Variants in CDH12 observed in about 807,000 individuals in gnomAD.
CDH12 encodes the protein cadherin 12, also known as cadherin-12.
Under a neutral mutation model 74.1 loss-of-function variants are expected in CDH12, and 41 were observed. That is an observed-to-expected ratio of 0.55 (90% CI 0.43 to 0.72). The LOEUF (loss-of-function observed/expected upper bound fraction) is 0.72, where lower values mean the gene tolerates loss of function less well. Among genes scored for constraint, CDH12 ranks in the 30% least tolerant of loss-of-function variants. The probability of loss-of-function intolerance (pLI) is 0.00; values close to 1 mark genes in which losing one functional copy is unlikely to be tolerated. For synonymous variants in CDH12, 399 were observed against 355.0 expected (o/e 1.12, Z -1.39); for missense variants, 945 against 977.2 (o/e 0.97, Z 0.44).
At chr5:22,451,273 T>C (rs953779732) in intron 2 of CDH12, among the ~76,000 whole-genome samples, 1 of 151,942 alleles carries the variant, frequency 6.6e-6, no homozygotes, top group African/African-American at 2.4e-5. Flanking sequence ...TTTAATAAAA[T>C]TTAAATTTTA....
chr5:22,413,393 G>C (rs116190516), intron 2 of CDH12, among the ~76,000 whole-genome samples: 1 of 152,016 alleles, frequency 6.6e-6, no homozygotes, highest in African/African-American at 2.4e-5. Context: ...AATAGTGAGA[G>C]ATCAGAATAA....
chr5:21,802,133 T>A, intron 10 of CDH12, 34 bp downstream of exon 10: 1 of 1,584,488 alleles, frequency 6.3e-7, no homozygotes, highest in East Asian at 2.3e-5. Flanking sequence ...TTTGTTTTCC[T>A]GAAACATAGA....
intron 4 of CDH12, among the ~76,000 whole-genome samples, chr5:22,098,963 G>C (rs1743971234): frequency 6.6e-6 from 1 of 152,048 alleles, no homozygotes; most frequent in African/African-American, 2.4e-5. Context: ...TAACTTCTCA[G>C]TGTTCCATCT....
intron 1 of CDH12, among the ~76,000 whole-genome samples, chr5:22,653,043 C>T (rs1175213547): frequency 6.6e-6 from 1 of 152,094 alleles, no homozygotes; most frequent in Non-Finnish European, 1.5e-5. Context: ...AAACATCCAC[C>T]AAATGGGACT....
At chr5:22,809,546 A>G (rs1749023315) in intron 1 of CDH12, among the ~76,000 whole-genome samples, 1 of 151,904 alleles carries the variant, frequency 6.6e-6, no homozygotes, top group Non-Finnish European at 1.5e-5. Context: ...AATATTAAAT[A>G]AAGTCAAATA....
intron 3 of CDH12, among the ~76,000 whole-genome samples, chr5:22,256,747 G>T (rs1753332278): frequency 6.6e-6 from 1 of 152,090 alleles, no homozygotes. Context: ...GCTAATGTGT[G>T]TGTTTGTGCC....
chr5:22,580,152 A>T (rs1171531580), intron 1 of CDH12: 2 of 274,358 alleles, frequency 7.3e-6, no homozygotes, highest in East Asian at 9.6e-5. Flanking sequence ...ATGCTTACTG[A>T]CAAGGAAGAG....
intron 3 of CDH12, among the ~76,000 whole-genome samples, chr5:22,300,601 C>T (rs923653240): frequency 2.6e-5 from 4 of 152,170 alleles, no homozygotes; most frequent in South Asian, 2.1e-4. Context: ...ACATTTTTAA[C>T]GTTTTGCACC....
chr5:22,037,167 C>A (rs1358194760), intron 5 of CDH12, among the ~76,000 whole-genome samples: 1 of 152,164 alleles, frequency 6.6e-6, no homozygotes, highest in African/African-American at 2.4e-5. Context: ...AATGCCTGCT[C>A]CACCTCACAC....
chr5:22,129,710 T>C (rs1746080464), intron 4 of CDH12, among the ~76,000 whole-genome samples: 1 of 152,108 alleles, frequency 6.6e-6, no homozygotes, highest in African/African-American at 2.4e-5. Flanking sequence ...TCGAAATAAA[T>C]TTTCTCATAG....
chr5:21,951,272 G>A lies in CDH12; in HGVS notation c.526+23819C>T, dbSNP rs367762078. Among the ~76,000 whole-genome samples the A allele has an allele frequency of 3.6e-3, 552 of 151,366 alleles. 3 individuals carry two copies. The highest frequency in any genetic ancestry group is 6.5e-3 in the Non-Finnish European group (441 of 67,868). On this transcript the variant is annotated intron_variant, in intron 6 of 14. Coordinates refer to ENST00000382254, the MANE Select transcript of CDH12 (RefSeq NM_004061.5). ...TTTATTTATTTATTTATTTTTAGGC[G>A]GAGTCTCACTCTGTTCGCCAAGCTG...
intron 8 of CDH12, among the ~76,000 whole-genome samples, chr5:21,830,199 C>CAAAAAAAAAAAAAAAAAAAAAA (rs1055199877): frequency 4.0e-5 from 1 of 25,234 alleles, no homozygotes; most frequent in Non-Finnish European, 7.6e-5. Context: ...AACTCCTTCT[C>CAAAAAAAAAAAAAAAAAAAAAA]AAAAAAAAAA....
chr5:22,289,275 G>T (rs1344227425), intron 3 of CDH12, among the ~76,000 whole-genome samples: 1 of 151,838 alleles, frequency 6.6e-6, no homozygotes, highest in East Asian at 1.9e-4. Context: ...CTTTAGAATA[G>T]AAAAAAATTC....
intron 1 of CDH12, among the ~76,000 whole-genome samples, chr5:22,553,591 A>T: frequency 6.6e-6 from 1 of 152,212 alleles, no homozygotes; most frequent in Non-Finnish European, 1.5e-5. Flanking sequence ...TATATGAAAA[A>T]AAACTAAACA....
chr5:21,975,928 C>G (rs923108331), intron 5 of CDH12, among the ~76,000 whole-genome samples: 5 of 151,946 alleles, frequency 3.3e-5, no homozygotes, highest in African/African-American at 4.8e-5. Flanking sequence ...ATAAACACCA[C>G]AAAATAAACT....
chr5:22,355,010 C>T (rs1740502140), intron 3 of CDH12, among the ~76,000 whole-genome samples: 1 of 152,110 alleles, frequency 6.6e-6, no homozygotes, highest in Admixed American at 6.6e-5. Context: ...ACACCTTAGC[C>T]TTCTCAGGAT....
rs529638515 is a variant in CDH12 at position 22,665,328 on chromosome 5, A to AT, written c.-522-159965dup. Among the ~76,000 whole-genome samples the AT allele has an allele frequency of 3.3e-5, 5 of 152,134 alleles. No individual in the cohort carries two copies. In the South Asian group the frequency reaches 6.3e-4, roughly 19 times the overall value. Reference sequence around the variant, plus strand: ...ATAGGAATGCAATTTTCTAGCTGAAATTTTTTTTCCCAAAATCTATGGGAG... The same window carrying AT: ...ATAGGAATGCAATTTTCTAGCTGAAATTTTTTTTTCCCAAAATCTATGGGAG... On this transcript the variant is annotated intron_variant, in intron 1 of 14. Coordinates refer to ENST00000382254, the MANE Select transcript of CDH12 (RefSeq NM_004061.5).
Position 22,190,354 on chromosome 5 carries a change from G to GTCTA in CDH12, c.-187+22143_-187+22144insTAGA, listed in dbSNP as rs1413714147. ...ATTTAATTCATGCCTCCATCTGTCT[G>GTCTA]TCTGTCTATCTATCTATCTATCTAT... On this transcript the variant is annotated intron_variant, in intron 4 of 14. Coordinates refer to ENST00000382254, the MANE Select transcript of CDH12 (RefSeq NM_004061.5). Among the ~76,000 whole-genome samples the GTCTA allele has an allele frequency of 9.9e-3, 1,479 of 149,234 alleles. 4 individuals carry two copies. Among genetic ancestry groups the GTCTA allele is most frequent in the Non-Finnish European group, 0.013 (888 of 67,188 alleles).
intron 1 of CDH12, among the ~76,000 whole-genome samples, chr5:22,851,311 C>T (rs1169556231): frequency 6.6e-6 from 1 of 152,008 alleles, no homozygotes; most frequent in East Asian, 1.9e-4. Flanking sequence ...AATAAAAAAG[C>T]ATTCGTGGCT....
Sources: gnomAD v4.1 joint callset for allele counts (sites outside exome capture counted in the v4.1 genomes callset) on GRCh38, gnomAD v4.1.1 for gene constraint, MANE v1.5 for transcripts, NCBI Gene and HGNC (gene_info 2026-07-23, HGNC 2026-07-21) for gene names.